The following COL5A1 variants were observed in gnomAD, a reference collection of about 807,000 sequenced individuals.
COL5A1 encodes collagen alpha-1(V) chain.
In COL5A1, 16 loss-of-function variants were observed where a neutral mutation model predicts 263.7. That is an observed-to-expected ratio of 0.06 (90% confidence interval 0.04 to 0.09). COL5A1 has a LOEUF of 0.09. COL5A1 is among the 10% of genes least tolerant of loss of function. The pLI is 1.00. For synonymous variants in COL5A1, 1,012 were observed against 1,004.5 expected (o/e 1.01, Z -0.14); for missense variants, 2,036 against 2,540.5 (o/e 0.80, Z 4.27).
chr9:134,842,607 G>T lies in COL5A1; in HGVS notation c.*304G>T. 1.9e-6 allele frequency: 1 copy of T among 527,488 alleles called. No individual in the cohort carries two copies. Among genetic ancestry groups the T allele is most frequent in the East Asian group, 3.3e-5 (1 of 30,628 alleles). 32.7% of individuals were successfully genotyped at this position (527,488 alleles called of 1,614,324 possible). A position where few individuals can be genotyped will look rare whatever the true frequency, so the allele number is the denominator to read the frequency against. Reference sequence around the variant, plus strand: ...GCGGGGCCATGCCTCCAGCCCCCCAGCTCGCCCGACCCATCCTGTTCGTGA... The same window carrying T: ...GCGGGGCCATGCCTCCAGCCCCCCATCTCGCCCGACCCATCCTGTTCGTGA... On this transcript the variant is annotated 3_prime_UTR_variant, in exon 66 of 66. Transcript: ENST00000371817. This position sits in a 1 kb window ranked among gnomAD's most constrained non-coding sequence, Gnocchi z 5.8.
In COL5A1 at chr9:134,796,355, C is replaced by A. The variant is rs201270145; in HGVS notation, c.2800-19C>A. The A allele has an allele frequency of 1.9e-6, 3 of 1,613,578 alleles. No individual in the cohort carries two copies. The highest frequency in any genetic ancestry group is 2.5e-6 in the Non-Finnish European group (3 of 1,179,486). ...TAATAACAATCATAAGCTTTTCCCC[C>A]CTCTCCTTCCCTCTCAAGGGCAACT... On this transcript the variant is annotated intron_variant, in intron 34 of 65. Coordinates refer to ENST00000371817, the MANE Select transcript of COL5A1 (RefSeq NM_000093.5).
chr9:134,808,158 C>T (rs912198829), intron 42 of COL5A1, among the ~76,000 whole-genome samples: 17 of 152,192 alleles, frequency 1.1e-4, no homozygotes, highest in Admixed American at 5.2e-4. Flanking sequence ...AATGGTAAGA[C>T]GAAATAGTGA....
intron 18 of COL5A1, among the ~76,000 whole-genome samples, chr9:134,760,910 CACACACACACGT>C (rs1251216412): frequency 6.7e-6 from 1 of 149,380 alleles, no homozygotes; most frequent in Non-Finnish European, 1.5e-5. Flanking sequence ...TACACACATG[CACACACACACGT>C]ACACACATGC....
intron 4 of COL5A1, among the ~76,000 whole-genome samples, chr9:134,722,334 C>A (rs1834493342): frequency 1.3e-5 from 2 of 152,206 alleles, no homozygotes; most frequent in African/African-American, 4.8e-5. Flanking sequence ...AGGCTTTGTC[C>A]CGCTTCGTGG....
intron 25 of COL5A1, among the ~76,000 whole-genome samples, chr9:134,769,740 G>A (rs2132734903): frequency 6.6e-6 from 1 of 151,830 alleles, no homozygotes; most frequent in South Asian, 2.1e-4. Context: ...AGGGGGGCCT[G>A]GGTGTGAAGT....
At chr9:134,779,756 G>A (rs1226970389) in intron 27 of COL5A1, among the ~76,000 whole-genome samples, 1 of 152,232 alleles carries the variant, frequency 6.6e-6, no homozygotes, top group Non-Finnish European at 1.5e-5. Context: ...TCTGAAAGGT[G>A]GGGGTGTTTC....
chr9:134,650,901 G>T (rs1831656502), intron 1 of COL5A1, among the ~76,000 whole-genome samples: 1 of 152,254 alleles, frequency 6.6e-6, no homozygotes, highest in Middle Eastern at 3.2e-3. Flanking sequence ...AGCTCCTTGA[G>T]TCCAGCTGGC....
intron 4 of COL5A1, among the ~76,000 whole-genome samples, chr9:134,723,536 GCAGTTGGGAC>G (rs1171828052): frequency 6.6e-6 from 1 of 152,218 alleles, no homozygotes; most frequent in Non-Finnish European, 1.5e-5. Context: ...CTGTGGCTCT[GCAGTTGGGAC>G]CAGTGATGTC....
chr9:134,687,273 G>C (rs1450855339), intron 1 of COL5A1, among the ~76,000 whole-genome samples: 1 of 152,158 alleles, frequency 6.6e-6, no homozygotes, highest in Non-Finnish European at 1.5e-5. Context: ...ATTCTAATTT[G>C]CACCCTGCAT....
rs1403739961 is a variant in COL5A1, at chr9:134,678,587, C to A, written c.110-12325C>A. ...CTGCTCCTCCATGGTCTCTTCAGAG[C>A]CTGTTTTTATCCTGGCTGCTGTCAT... is the stretch of plus-strand genomic sequence containing the variant. On this transcript the variant is annotated intron_variant, in intron 1 of 65. Transcript: ENST00000371817. This position sits in a 1 kb window ranked among gnomAD's most constrained non-coding sequence, Gnocchi z 5.5. Among the ~76,000 whole-genome samples the A allele has an allele frequency of 6.6e-6, 1 of 152,248 alleles. No individual in the cohort carries two copies. Among genetic ancestry groups the A allele is most frequent in the East Asian group, 1.9e-4 (1 of 5,200 alleles).
chr9:134,766,307 CAGG>C, intron 21 of COL5A1, 144 bp from the exon 22 acceptor site: 1 of 777,258 alleles, frequency 1.3e-6, no homozygotes, highest in Non-Finnish European at 2.2e-6. Context: ...GATTTGGAGT[CAGG>C]TCCTTCCCTT....
chr9:134,657,734 GCCCGGGGGTGCCA>G (rs1832065005), intron 1 of COL5A1, among the ~76,000 whole-genome samples: 1 of 151,326 alleles, frequency 6.6e-6, no homozygotes, highest in Non-Finnish European at 1.5e-5. Flanking sequence ...AGTTTCCTTT[GCCCGGGGGTGCCA>G]GGCCTGACGG....
At chr9:134,839,380 T>C (rs1199830899) in intron 65 of COL5A1, among the ~76,000 whole-genome samples, 1 of 152,162 alleles carries the variant, frequency 6.6e-6, no homozygotes, top group Non-Finnish European at 1.5e-5. Context: ...ACTCTGATAA[T>C]TGGAGCAGAG....
At chr9:134,771,339 C>A (rs1836858887) in intron 25 of COL5A1, among the ~76,000 whole-genome samples, 1 of 152,254 alleles carries the variant, frequency 6.6e-6, no homozygotes, top group Non-Finnish European at 1.5e-5. Context: ...TGGCTCTGTT[C>A]AGGTCCAGCC....
intron 1 of COL5A1, among the ~76,000 whole-genome samples, chr9:134,651,836 T>G (rs1210023975): frequency 1.3e-5 from 2 of 152,264 alleles, no homozygotes; most frequent in African/African-American, 2.4e-5. Flanking sequence ...GATCTGTCTT[T>G]GCTGCTGGTT....
At chr9:134,726,248 A>G (rs1834645354) in intron 4 of COL5A1, among the ~76,000 whole-genome samples, 1 of 152,060 alleles carries the variant, frequency 6.6e-6, no homozygotes, top group Non-Finnish European at 1.5e-5. Flanking sequence ...TGGATGAGTG[A>G]ATGGGTGGTG....
intron 4 of COL5A1, among the ~76,000 whole-genome samples, chr9:134,702,791 G>C (rs1351243782): frequency 6.6e-6 from 1 of 152,194 alleles, no homozygotes; most frequent in Non-Finnish European, 1.5e-5. Context: ...TGTTGGATTT[G>C]GGCCTCGGGC....
intron 37 of COL5A1, 57 bp from the exon 38 acceptor site, chr9:134,801,897 G>T: frequency 6.6e-7 from 1 of 1,524,058 alleles, no homozygotes; most frequent in South Asian, 1.1e-5. Context: ...GAACAGTGCA[G>T]GGCAGGGTGG....
intron 1 of COL5A1, among the ~76,000 whole-genome samples, chr9:134,675,098 T>C (rs1460414165): frequency 6.6e-6 from 1 of 152,222 alleles, no homozygotes; most frequent in African/African-American, 2.4e-5. Context: ...TACTGTGATA[T>C]GTGCAGTCCT....
Sources: allele counts gnomAD v4.1 joint callset (sites outside exome capture counted in the v4.1 genomes callset), GRCh38; gene constraint gnomAD v4.1.1; non-coding constraint Gnocchi (gnomAD v3.1); transcripts MANE v1.5; gene names NCBI Gene and HGNC (gene_info 2026-07-23, HGNC 2026-07-21).